TJAP1: variants seen among roughly 807,000 people sequenced by gnomAD.
The protein encoded by TJAP1 is tight junction-associated protein 1.
In TJAP1, 27 loss-of-function variants were observed where a neutral mutation model predicts 42.0. That is an observed-to-expected ratio of 0.64 (90% CI 0.47 to 0.89). TJAP1 has a LOEUF of 0.89. Among genes scored for constraint, TJAP1 ranks in the 40% least tolerant of loss-of-function variants. TJAP1 has a pLI of 0.00. For missense variants in TJAP1, 712 were observed against 726.9 expected (o/e 0.98, Z 0.24); for synonymous variants, 257 against 288.4 (o/e 0.89, Z 1.10).
chr6:43,503,596 G>C, intron 9 of TJAP1, 27 bp from the exon 10 acceptor site: 20 of 1,613,196 alleles, frequency 1.2e-5, no homozygotes, highest in Non-Finnish European at 1.6e-5. Context: ...GGCTGGGCTG[G>C]GCTCTGAAAC....
At position 43,495,491 on chromosome 6, in the gene TJAP1, A is replaced by G. The variant is rs1053175250; in HGVS notation, c.-121-2390A>G. 2.0e-5 allele frequency among the ~76,000 whole-genome samples: 3 copies of G among 152,138 alleles called. No homozygotes were observed. The highest frequency in any genetic ancestry group is 4.4e-5 in the Non-Finnish European group (3 of 68,016). ...ACACAGGGCAGGAAGTGGTTGGTACACATCTCCCTCGCAGCCTGGTGTTGA... is the reference window on the plus strand; with the variant it reads ...ACACAGGGCAGGAAGTGGTTGGTACGCATCTCCCTCGCAGCCTGGTGTTGA... On this transcript the variant is annotated intron_variant, in intron 2 of 10. Transcript: ENST00000372449. The surrounding 1 kb of genome is among the most constrained non-coding windows in gnomAD (Gnocchi z 4.6).
At position 43,478,077 on chromosome 6, in the gene TJAP1, C is replaced by T. The variant is rs1442278826; in HGVS notation, c.-267-10C>T. ...AGGGAACTAAAGCCAGTCAAATGAC[C>T]CTCTTCTAGGCTTAGATCAGCCTTT... On this transcript the variant is annotated splice_polypyrimidine_tract_variant and intron_variant, in intron 1 of 10. Coordinates refer to ENST00000372449, the Ensembl canonical transcript of TJAP1. The T allele has an allele frequency of 6.6e-6, 1 of 152,206 alleles. No homozygotes were observed. The highest frequency in any genetic ancestry group is 1.5e-5 in the Non-Finnish European group (1 of 68,060). 9.4% of individuals were successfully genotyped at this position (152,206 alleles called of 1,614,324 possible).
At chr6:43,482,099 A>G (rs533922761) in intron 2 of TJAP1, among the ~76,000 whole-genome samples, 9 of 152,200 alleles carry the variant, frequency 5.9e-5, no homozygotes, top group South Asian at 2.1e-4. Context: ...ATATCTTAGG[A>G]TAGTGTATTT....
intron 8 of TJAP1, chr6:43,503,003 C>G (rs1464406478): frequency 1.1e-5 from 5 of 454,876 alleles, no homozygotes; most frequent in Non-Finnish European, 1.6e-5. Context: ...TGCCACCGCG[C>G]CCTGCTTCCT....
chr6:43,491,055 G>A lies in TJAP1; in HGVS notation c.-121-6826G>A, dbSNP rs765922030. 1.6e-4 allele frequency among the ~76,000 whole-genome samples: 25 copies of A among 152,160 alleles called. No individual in the cohort carries two copies. Among genetic ancestry groups the A allele is most frequent in the Non-Finnish European group, 3.1e-4 (21 of 68,020 alleles). ...AGTGTGGTGCTAGGGAGGCTGGACA[G>A]GGGGAGCTTGAGAACAGAAGGCTGC... On this transcript the variant is annotated intron_variant, in intron 2 of 10. Transcript: ENST00000372449. The surrounding 1 kb of genome is among the most constrained non-coding windows in gnomAD (Gnocchi z 4.6).
At chr6:43,494,513 G>A (rs1788610557) in intron 2 of TJAP1, among the ~76,000 whole-genome samples, 1 of 149,240 alleles carries the variant, frequency 6.7e-6, no homozygotes, top group Non-Finnish European at 1.5e-5. Flanking sequence ...TTCTCCCAGG[G>A]CATAGCTGTT....
chr6:43,493,955 C>T (rs1174145064), intron 2 of TJAP1, among the ~76,000 whole-genome samples: 1 of 152,188 alleles, frequency 6.6e-6, no homozygotes. Flanking sequence ...GGACACTGCT[C>T]AGCCAGCTTC....
rs771173626 is a variant in TJAP1, at chr6:43,503,390, CTG to C, written c.388-8_388-7del. ...AGTGTGGGCTGGGTTAACCTCAAGT[CTG>C]TGCTTCAGATCAAGAAGGCTGAGAT... On this transcript the variant is annotated splice_polypyrimidine_tract_variant and intron_variant, in intron 8 of 10. Coordinates refer to ENST00000372449, the Ensembl canonical transcript of TJAP1. 2.5e-5 allele frequency: 40 copies of C among 1,609,346 alleles called. No individual in the cohort carries two copies. In the African/African-American group the frequency reaches 3.5e-4, roughly 14 times the overall value.
intron 2 of TJAP1, among the ~76,000 whole-genome samples, chr6:43,479,100 A>T (rs1352933046): frequency 6.6e-6 from 1 of 152,244 alleles, no homozygotes; most frequent in Non-Finnish European, 1.5e-5. Context: ...GAGAAAGGAA[A>T]GGGACTGGAG....
At chr6:43,479,506 T>C (rs1039167858) in intron 2 of TJAP1, among the ~76,000 whole-genome samples, 6 of 152,174 alleles carry the variant, frequency 3.9e-5, no homozygotes, top group Non-Finnish European at 7.4e-5. Flanking sequence ...TAGCACTGAC[T>C]CTGAGCCCGG....
intron 2 of TJAP1, among the ~76,000 whole-genome samples, chr6:43,494,101 C>T (rs1788460499): frequency 6.6e-6 from 1 of 152,180 alleles, no homozygotes; most frequent in African/African-American, 2.4e-5. Context: ...GGCAGCTAAT[C>T]ATGCCCCATG....
At chr6:43,480,590 C>A (rs1286147653) in intron 2 of TJAP1, among the ~76,000 whole-genome samples, 2 of 152,174 alleles carry the variant, frequency 1.3e-5, no homozygotes, top group African/African-American at 4.8e-5. Flanking sequence ...GCTCTCCTCA[C>A]TGCAACCGCC....
At position 43,505,593 on chromosome 6, in the gene TJAP1, T is replaced by C; in HGVS notation, c.1412T>C (p.Leu471Pro). Residue 471 changes from leucine (L) to proline (P), a missense_variant, in exon 11 of 11, where the codon CTA (leucine) becomes CCA (proline). Leu to Pro is a moderately conservative substitution (Grantham distance 98). Around this residue, in one of 3 missense-constraint regions of TJAP1, gnomAD observed 549 missense variants for 528.2 expected, o/e 1.04. Transcript: ENST00000372449. The surrounding 1 kb of genome is among the most constrained non-coding windows in gnomAD (Gnocchi z 5.5). ...CGACCCGAAGAGAGTGAGCTTTTGC[T>C]ACCCACAGAACCTGACTCTGGCTTT... 6.2e-7 allele frequency: 1 copy of C among 1,613,628 alleles called. No individual in the cohort carries two copies. Among genetic ancestry groups the C allele is most frequent in the Non-Finnish European group, 8.5e-7 (1 of 1,180,030 alleles).
At chr6:43,504,825 C>G (rs776431573) in exon 11 of TJAP1, 4 of 1,614,138 alleles carry the variant, frequency 2.5e-6, no homozygotes, top group Non-Finnish European at 3.4e-6. Context: ...GCCGCCAGCC[C>G]AGGTCCTGCT....
At chr6:43,506,425 G>A (rs1166337548) in exon 11 of TJAP1, 1 of 152,716 alleles carries the variant, frequency 6.5e-6, no homozygotes, top group Non-Finnish European at 1.5e-5. Flanking sequence ...GGGCTCAGGG[G>A]CCTCAAGCTG....
In TJAP1 at chr6:43,505,038, A is replaced by G; in HGVS notation, c.857A>G (p.Gln286Arg). ...CCGGCCCCTGGCAGCCCCACCCCAC[A>G]ACCCAATGGGGAGTGCCACTCTCTG... is the stretch of plus-strand genomic sequence containing the variant. Residue 286 changes from glutamine (Q) to arginine (R), a missense_variant, in exon 11 of 11, where the codon CAA (glutamine) becomes CGA (arginine). Gln to Arg is a conservative substitution (Grantham distance 43). This residue lies in a region of TJAP1 where 549 missense variants were observed against 528.2 expected (regional missense o/e 1.04). Transcript: ENST00000372449. The surrounding 1 kb of genome is among the most constrained non-coding windows in gnomAD (Gnocchi z 5.5). The G allele has an allele frequency of 6.2e-7, 1 of 1,613,924 alleles. No homozygotes were observed. Among genetic ancestry groups the G allele is most frequent in the East Asian group, 2.2e-5 (1 of 44,880 alleles).
intron 2 of TJAP1, among the ~76,000 whole-genome samples, chr6:43,496,134 A>G (rs1374440145): frequency 6.6e-6 from 1 of 152,080 alleles, no homozygotes; most frequent in Non-Finnish European, 1.5e-5. Flanking sequence ...AGAAGGGGAA[A>G]GGCAGAGACC....
chr6:43,496,492 C>T (rs1477466992), intron 2 of TJAP1, among the ~76,000 whole-genome samples: 1 of 152,212 alleles, frequency 6.6e-6, no homozygotes, highest in African/African-American at 2.4e-5. Flanking sequence ...TGTGGGGACA[C>T]GTTCTGCCTC....
In TJAP1 at chr6:43,492,676, G is replaced by T. The variant is rs913315259; in HGVS notation, c.-121-5205G>T. Among the ~76,000 whole-genome samples the T allele has an allele frequency of 6.6e-6, 1 of 152,294 alleles. No homozygotes were observed. Among genetic ancestry groups the T allele is most frequent in the Admixed American group, 6.5e-5 (1 of 15,294 alleles). On this transcript the variant is annotated intron_variant, in intron 2 of 10. Coordinates refer to ENST00000372449, the Ensembl canonical transcript of TJAP1. The surrounding 1 kb of genome is among the most constrained non-coding windows in gnomAD (Gnocchi z 4.2). ...TTCATGGGGAGTCAGTGGGAGAGGGGCTGTATTAATGGTGCAAGGAGTGGG... is the reference window on the plus strand; with the variant it reads ...TTCATGGGGAGTCAGTGGGAGAGGGTCTGTATTAATGGTGCAAGGAGTGGG...
Sources: allele counts gnomAD v4.1 joint callset (sites outside exome capture counted in the v4.1 genomes callset), GRCh38; gene constraint gnomAD v4.1.1; regional missense constraint gnomAD v4.1.1; non-coding constraint Gnocchi (gnomAD v3.1); transcripts MANE v1.5; gene names NCBI Gene and HGNC (gene_info 2026-07-23, HGNC 2026-07-21).